Variants in GNAT2 observed in about 807,000 individuals in gnomAD.
GNAT2 encodes guanine nucleotide-binding protein G(t) subunit alpha-2.
GNAT2 carries 32 observed loss-of-function variants against 40.9 expected under a neutral mutation model. The observed-to-expected ratio is 0.78, with a 90% CI of 0.59 to 1.05. The LOEUF is 1.05. Ranked by LOEUF, GNAT2 falls within the 50% of genes least tolerant of loss-of-function variation. The pLI, the probability that GNAT2 is intolerant of heterozygous loss-of-function variation, is 0.00. For missense variants in GNAT2, 355 were observed against 431.5 expected, an observed-to-expected ratio of 0.82 and a Z score of 1.57; for synonymous variants, 141 against 157.2, an observed-to-expected ratio of 0.90 and a Z score of 0.77.
chr1:109,612,689 C>T, intron 2 of GNAT2, 64 bp downstream of exon 2: 1 of 1,010,916 alleles, frequency 9.9e-7, no homozygotes, highest in Non-Finnish European at 1.6e-6. Flanking sequence ...GTAGAACCCA[C>T]CAACCCTTCA....
intron 2 of GNAT2, chr1:109,612,251 A>G (rs752620372): frequency 2.6e-5 from 5 of 196,074 alleles, no homozygotes; most frequent in South Asian, 9.0e-5. Context: ...CCTACTTCCA[A>G]AGTTTTTACT....
At chr1:109,606,558 A>G (rs1649604723) in intron 5 of GNAT2, 122 bp from the exon 6 acceptor site, 1 of 815,084 alleles carries the variant, frequency 1.2e-6, no homozygotes, top group Admixed American at 1.9e-5. Context: ...TAGAAGCCAT[A>G]TTGTTAAATT....
chr1:109,606,151 T>C (rs1313270338), intron 6 of GNAT2, 52 bp from the exon 7 acceptor site: 1 of 1,604,962 alleles, frequency 6.2e-7, no homozygotes, highest in Admixed American at 1.7e-5. Context: ...ACGACCTATA[T>C]GCCTTTGATG....
Position 109,606,291 on chromosome 1 carries a change from G to T in GNAT2, c.590+17C>A, listed in dbSNP as rs200962508. On this transcript the variant is annotated intron_variant, in intron 6 of 8. Transcript: ENST00000679935. ...CCACACGTGTATCCGAGATGCCCTAGGGAACCATGCACTTACCTGAAATTC... is the reference window on the plus strand; with the variant it reads ...CCACACGTGTATCCGAGATGCCCTATGGAACCATGCACTTACCTGAAATTC... 70 of 1,613,388 alleles carry T rather than the reference G, an allele frequency of 4.3e-5. 1 individual carries two copies. The highest frequency in any genetic ancestry group is 5.3e-5 in the Non-Finnish European group (63 of 1,179,464).
chr1:109,603,501 C>G lies in GNAT2; in HGVS notation c.918G>C (p.Gln306His). 1 of 1,611,568 alleles carries G rather than the reference C, an allele frequency of 6.2e-7. No individual in the cohort carries two copies. The highest frequency in any genetic ancestry group is 8.5e-7 in the Non-Finnish European group (1 of 1,177,658). The change falls in exon 9 of 9, where the codon CAG becomes CAC. Residue 306 changes from glutamine to histidine, a missense_variant. Coordinates refer to ENST00000679935, the MANE Select transcript of GNAT2 (RefSeq NM_001377295.2). ...YDDAGNYIKS[Q>H]FLDLNMRKDV... is the part of the protein sequence containing the mutation. ...CTTTTCGCATATTGAGGTCAAGGAA[C>G]TGGCTCTTTATGTAATTCCCCGCAT...
intron 2 of GNAT2, 172 bp downstream of exon 2, chr1:109,612,581 G>A: frequency 1.5e-6 from 1 of 672,722 alleles, no homozygotes; most frequent in South Asian, 1.5e-5. Context: ...GGCTGTTTAG[G>A]CCCCATATTA....
chr1:109,613,032 C>T (rs914349631), intron 1 of GNAT2, 109 bp from the exon 2 acceptor site: 3 of 729,568 alleles, frequency 4.1e-6, no homozygotes, highest in African/African-American at 1.7e-5. Flanking sequence ...GCTGTAGGGT[C>T]TTGTACTCTG....
At chr1:109,606,495 A>G (rs1278075504) in intron 5 of GNAT2, 59 bp from the exon 6 acceptor site, 5 of 1,432,276 alleles carry the variant, frequency 3.5e-6, no homozygotes, top group Non-Finnish European at 4.9e-6. Context: ...TAAGAGACGT[A>G]AAAGGTATCT....
At position 109,616,722 on chromosome 1, in the gene GNAT2, A is replaced by T. The variant is rs575873766; in HGVS notation, c.-54+2761T>A. ...AAAGTTCTACAGCGGAAGAAAGAAA[A>T]GGGTGATTGTGAAATGAATAGACTT... On this transcript the variant is annotated intron_variant, in intron 1 of 8. Coordinates refer to ENST00000679935, the MANE Select transcript of GNAT2 (RefSeq NM_001377295.2). 14 of 152,356 alleles carry T rather than the reference A, an allele frequency of 9.2e-5. 1 individual carries two copies. The highest frequency in any genetic ancestry group is 3.4e-4 in the African/African-American group (14 of 41,586). 9.4% of individuals were successfully genotyped at this position (152,356 alleles called of 1,614,324 possible).
chr1:109,606,136 A>G lies in GNAT2; in HGVS notation c.591-37T>C, dbSNP rs751150036. 27 of 1,612,216 alleles carry G rather than the reference A, an allele frequency of 1.7e-5. No homozygotes were observed. The African/African-American group carries it at 2.9e-4, about 18-fold the overall frequency. On this transcript the variant is annotated intron_variant, in intron 6 of 8. Transcript: ENST00000679935. ...AGCAGCTATTTTCATAGGTATGCCC[A>G]ACATACGACCTATATGCCTTTGATG...
chr1:109,616,136 ACCT>A (rs1282007698), intron 1 of GNAT2: 1 of 151,992 alleles, frequency 6.6e-6, no homozygotes, highest in East Asian at 1.9e-4. Flanking sequence ...GATGTCTGTG[ACCT>A]CCTGCCTCTG....
intron 5 of GNAT2, 97 bp from the exon 6 acceptor site, chr1:109,606,533 G>T: frequency 2.0e-6 from 2 of 1,020,530 alleles, no homozygotes; most frequent in Non-Finnish European, 3.1e-6. Flanking sequence ...CTAATTTGGT[G>T]ATAGAAATCA....
Position 109,603,555 on chromosome 1 carries a change from A to G in GNAT2, c.875-11T>C. On this transcript the variant is annotated splice_polypyrimidine_tract_variant and intron_variant, in intron 8 of 8. Transcript: ENST00000679935. ...CATAGGAGTTGTTACCTGGTTTTCC[A>G]GAAAAATAGTGAAAAAGTAGAATAA... The G allele has an allele frequency of 6.4e-7, 1 of 1,573,308 alleles. No homozygotes were observed. Among genetic ancestry groups the G allele is most frequent in the Non-Finnish European group, 8.7e-7 (1 of 1,143,054 alleles).
chr1:109,617,277 C>T (rs931452748), intron 1 of GNAT2: 1 of 152,132 alleles, frequency 6.6e-6, no homozygotes, highest in Non-Finnish European at 1.5e-5. Flanking sequence ...GAGCTGAAGT[C>T]CAGAAGCAAA....
At chr1:109,608,608 A>C in intron 5 of GNAT2, 23 bp downstream of exon 5, 1 of 1,609,494 alleles carries the variant, frequency 6.2e-7, no homozygotes, top group South Asian at 1.1e-5. Flanking sequence ...GCATCAACCC[A>C]CCCTCTCACC....
chr1:109,610,783 A>G (rs891797483), intron 2 of GNAT2: 3 of 535,156 alleles, frequency 5.6e-6, no homozygotes, highest in Admixed American at 3.1e-5. Flanking sequence ...ACTAGAGGCC[A>G]ATAGCATCCC....
At position 109,603,237 on chromosome 1, in the gene GNAT2, C is replaced by G; in HGVS notation, c.*117G>C. 2 of 714,866 alleles carry G rather than the reference C, an allele frequency of 2.8e-6. No individual in the cohort carries two copies. The highest frequency in any genetic ancestry group is 1.5e-5 in the South Asian group (1 of 67,118). 44.3% of individuals were successfully genotyped at this position (714,866 alleles called of 1,614,324 possible). On this transcript the variant is annotated 3_prime_UTR_variant, in exon 9 of 9. Transcript: ENST00000679935. Reference sequence around the variant, plus strand: ...AATACAGTTGCAGTCATGTATACTCCATCTCCAAAGAATGGATTCATTCTT... The same window carrying G: ...AATACAGTTGCAGTCATGTATACTCGATCTCCAAAGAATGGATTCATTCTT...
intron 5 of GNAT2, chr1:109,607,156 A>AAG (rs1557919233): frequency 6.6e-6 from 1 of 151,572 alleles, no homozygotes; most frequent in African/African-American, 2.4e-5. Context: ...ATTTTTTTTA[A>AAG]AAAAAAAAAA....
intron 5 of GNAT2, chr1:109,607,486 ACTGAGATGACTG>A (rs1649647441): frequency 6.6e-6 from 1 of 151,904 alleles, no homozygotes; most frequent in East Asian, 1.9e-4. Context: ...GCAGATGTGA[ACTGAGATGACTG>A]AGAGGAGGAG....
Sources: gnomAD v4.1 joint callset for allele counts on GRCh38, gnomAD v4.1.1 for gene constraint, MANE v1.5 for transcripts, NCBI Gene and HGNC (gene_info 2026-07-23, HGNC 2026-07-21) for gene names.